The following KCNIP4 variants were observed in gnomAD, a reference collection of about 807,000 sequenced individuals.
The protein encoded by KCNIP4 is potassium voltage-gated channel interacting protein 4.
A neutral mutation model predicts 34.0 loss-of-function variants in KCNIP4; 12 were observed. The ratio of observed to expected loss-of-function variants is 0.35; its 90% CI spans 0.23 to 0.57. The LOEUF is 0.57. Among genes scored for constraint, KCNIP4 ranks in the 20% least tolerant of loss-of-function variants. The probability of loss-of-function intolerance (pLI) is 0.83; values close to 1 mark genes in which losing one functional copy is unlikely to be tolerated. For missense variants in KCNIP4, 238 were observed against 311.7 expected (o/e 0.76, Z 1.78); for synonymous variants, 124 against 102.2 (o/e 1.21, Z -1.29).
chr4:21,334,660 T>TA (rs1246630305), intron 1 of KCNIP4, among the ~76,000 whole-genome samples: 1 of 152,078 alleles, frequency 6.6e-6, no homozygotes, highest in Admixed American at 6.6e-5. Context: ...CATGCTTACT[T>TA]ACAGTAACAG....
chr4:21,699,434 G>A (rs1466308773), intron 1 of KCNIP4, among the ~76,000 whole-genome samples: 3 of 152,184 alleles, frequency 2.0e-5, no homozygotes, highest in African/African-American at 7.2e-5. Flanking sequence ...TATCCCATAT[G>A]AGTAAGTGCT....
chr4:21,280,394 ACACATAGCAGG>A (rs1487223314), intron 1 of KCNIP4, among the ~76,000 whole-genome samples: 3 of 152,200 alleles, frequency 2.0e-5, no homozygotes, highest in Non-Finnish European at 2.9e-5. Context: ...TCAGAAACAG[ACACATAGCAGG>A]CACTTTGTAA....
At chr4:21,000,629 G>A (rs1304620921) in intron 1 of KCNIP4, among the ~76,000 whole-genome samples, 1 of 151,890 alleles carries the variant, frequency 6.6e-6, no homozygotes, top group Non-Finnish European at 1.5e-5. Flanking sequence ...AGGTTGCAGT[G>A]AGCCAAGATC....
In KCNIP4 at chr4:21,748,921, A is replaced by C. The variant is rs113620358; in HGVS notation, c.61+199650T>G. 8.9e-3 allele frequency among the ~76,000 whole-genome samples: 1,358 copies of C among 152,258 alleles called. 22 individuals are homozygous for C. Among genetic ancestry groups the C allele is most frequent in the African/African-American group, 0.031 (1,294 of 41,554 alleles). On this transcript the variant is annotated intron_variant, in intron 1 of 8. Transcript: ENST00000382152. ...ATGGTAGATGGGTGGCATCAAAGGCAAGAAAACTGACTGCTGTTATGTAAG... is the reference window on the plus strand; with the variant it reads ...ATGGTAGATGGGTGGCATCAAAGGCCAGAAAACTGACTGCTGTTATGTAAG...
chr4:20,741,430 C>T (rs536004440), intron 5 of KCNIP4, among the ~76,000 whole-genome samples: 159 of 152,198 alleles, frequency 1.0e-3, no homozygotes, highest in Non-Finnish European at 1.6e-3. Context: ...CAAAACTGCA[C>T]AACTACTTGG....
At chr4:21,664,164 G>T (rs1413545392) in intron 1 of KCNIP4, among the ~76,000 whole-genome samples, 1 of 152,002 alleles carries the variant, frequency 6.6e-6, no homozygotes, top group Non-Finnish European at 1.5e-5. Context: ...GGCCAGGCTG[G>T]TCTTGAACTC....
intron 1 of KCNIP4, among the ~76,000 whole-genome samples, chr4:21,094,046 T>C (rs1004321509): frequency 4.4e-4 from 67 of 151,602 alleles, no homozygotes; most frequent in Admixed American, 7.9e-4. Flanking sequence ...CACGCCACTG[T>C]ACTCCAGCCT....
At chr4:20,792,542 C>T (rs991424363) in intron 3 of KCNIP4, among the ~76,000 whole-genome samples, 4 of 151,960 alleles carry the variant, frequency 2.6e-5, no homozygotes, top group Admixed American at 6.6e-5. Context: ...TTATATGCTA[C>T]CAACCTACTT....
chr4:20,869,455 T>A (rs1468026289), intron 2 of KCNIP4, among the ~76,000 whole-genome samples: 1 of 152,058 alleles, frequency 6.6e-6, no homozygotes, highest in African/African-American at 2.4e-5. Flanking sequence ...ATGATATTGT[T>A]GTTCATATAA....
intron 1 of KCNIP4, among the ~76,000 whole-genome samples, chr4:20,979,938 T>A (rs1472287834): frequency 2.6e-5 from 4 of 152,206 alleles, no homozygotes; most frequent in Admixed American, 6.5e-5. Context: ...TCCTAATCCA[T>A]GCAAGCCACC....
Position 21,578,289 on chromosome 4 carries a change from C to T in KCNIP4, c.61+370282G>A, listed in dbSNP as rs947880103. Reference sequence around the variant, plus strand: ...CGGACGTTGCAGTGAGCCGAGATTGCGCCACTGCACTCCAACCTGGGTGAC... The same window carrying T: ...CGGACGTTGCAGTGAGCCGAGATTGTGCCACTGCACTCCAACCTGGGTGAC... On this transcript the variant is annotated intron_variant, in intron 1 of 8. Transcript: ENST00000382152. Among the ~76,000 whole-genome samples, 4 of 136,968 alleles carry T rather than the reference C, an allele frequency of 2.9e-5. No individual in the cohort carries two copies. In the East Asian group the frequency reaches 6.7e-4, roughly 23 times the overall value. 89.9% of individuals were successfully genotyped at this position (136,968 alleles called of 152,430 possible).
chr4:21,108,598 T>C (rs28838572), intron 1 of KCNIP4, among the ~76,000 whole-genome samples: 42,697 of 151,436 alleles, frequency 0.28, 6,896 homozygotes, highest in African/African-American at 0.41. Flanking sequence ...TCTCTCAACT[T>C]ATCAAAGTCA....
chr4:21,477,592 T>A (rs1346466510), intron 1 of KCNIP4, among the ~76,000 whole-genome samples: 1 of 152,142 alleles, frequency 6.6e-6, no homozygotes, highest in Non-Finnish European at 1.5e-5. Context: ...AATATATATA[T>A]AACTAACTTT....
chr4:21,192,658 C>T (rs1755735017), intron 1 of KCNIP4, among the ~76,000 whole-genome samples: 1 of 152,012 alleles, frequency 6.6e-6, no homozygotes, highest in South Asian at 2.1e-4. Context: ...GAGGTTACTT[C>T]CAGTATTACA....
At chr4:21,487,786 A>C (rs1732045512) in intron 1 of KCNIP4, among the ~76,000 whole-genome samples, 1 of 152,206 alleles carries the variant, frequency 6.6e-6, no homozygotes, top group South Asian at 2.1e-4. Flanking sequence ...TGTGCAAATT[A>C]TCCCACCTTT....
chr4:21,117,892 T>G (rs1004676357), intron 1 of KCNIP4, among the ~76,000 whole-genome samples: 46 of 152,104 alleles, frequency 3.0e-4, no homozygotes, highest in African/African-American at 1.1e-3. Context: ...TTTTTGTTAG[T>G]CACAGTCAAA....
At chr4:20,959,887 T>C (rs986868706) in intron 1 of KCNIP4, among the ~76,000 whole-genome samples, 3 of 152,188 alleles carry the variant, frequency 2.0e-5, no homozygotes, top group African/African-American at 4.8e-5. Flanking sequence ...AATATCCACT[T>C]CTTTGAATTA....
intron 2 of KCNIP4, among the ~76,000 whole-genome samples, chr4:20,875,770 T>A (rs1164270107): frequency 6.6e-6 from 1 of 152,140 alleles, no homozygotes. Flanking sequence ...ATGGGCAACA[T>A]GTTGGCCATT....
rs550258328 is a variant in KCNIP4, at chr4:21,187,658, A to G, written c.62-304949T>C. On this transcript the variant is annotated intron_variant, in intron 1 of 8. Coordinates refer to ENST00000382152, the MANE Select transcript of KCNIP4 (RefSeq NM_025221.6). Reference sequence around the variant, plus strand: ...GTCAAACTGGTTACAATAATGCCCTATGGTTTTAGGGCATTTAGATTCTCC... The same window carrying G: ...GTCAAACTGGTTACAATAATGCCCTGTGGTTTTAGGGCATTTAGATTCTCC... Among the ~76,000 whole-genome samples the G allele has an allele frequency of 6.6e-5, 10 of 152,222 alleles. No homozygotes were observed. The South Asian group carries it at 1.2e-3, about 19-fold the overall frequency.
Sources: gnomAD v4.1 joint callset for allele counts (sites outside exome capture counted in the v4.1 genomes callset) on GRCh38, gnomAD v4.1.1 for gene constraint, MANE v1.5 for transcripts, NCBI Gene and HGNC (gene_info 2026-07-23, HGNC 2026-07-21) for gene names.